Variants in THOC1 observed in about 807,000 individuals in gnomAD.
THOC1 encodes THO complex 1.
THOC1 carries 29 observed loss-of-function variants against 97.3 expected under a neutral mutation model. The ratio of observed to expected loss-of-function variants is 0.30; its 90% confidence interval spans 0.22 to 0.41. The LOEUF (loss-of-function observed/expected upper bound fraction) is 0.41, where lower values mean the gene tolerates loss of function less well. Ranked by LOEUF, THOC1 falls within the 10% of genes least tolerant of loss-of-function variation. THOC1 has a pLI of 1.00. For synonymous variants in THOC1, 255 were observed against 257.0 expected (o/e 0.99, Z 0.07); for missense variants, 529 against 761.9 (o/e 0.69, Z 3.60).
intron 5 of THOC1, 134 bp downstream of exon 5, chr18:260,052 T>A: frequency 1.7e-6 from 1 of 588,776 alleles, no homozygotes; most frequent in Non-Finnish European, 2.8e-6. Flanking sequence ...GAGAGCAGTA[T>A]ATAATTTTTT....
intron 11 of THOC1, among the ~76,000 whole-genome samples, chr18:236,471 TCAGCCTCCCGAGTAGCTGGGAACTA>T (rs371183214): frequency 0.042 from 4,553 of 108,746 alleles, 219 homozygotes; most frequent in African/African-American, 0.13. Flanking sequence ...TTCTCCTGCC[TCAGCCTCCCGAGTAGCTGGGAACTA>T]CAGGCGCCCG....
intron 11 of THOC1, among the ~76,000 whole-genome samples, chr18:231,349 T>C (rs1911480057): frequency 6.6e-6 from 1 of 152,228 alleles, no homozygotes. Context: ...CATCCTTACA[T>C]GCCTCTCTGT....
intron 1 of THOC1, among the ~76,000 whole-genome samples, chr18:265,916 T>C (rs993206323): frequency 1.3e-5 from 2 of 152,210 alleles, no homozygotes; most frequent in African/African-American, 4.8e-5. Context: ...CCAAACTTAA[T>C]TCCCAATACT....
intron 7 of THOC1, among the ~76,000 whole-genome samples, chr18:257,545 C>T (rs1912474779): frequency 6.6e-6 from 1 of 151,942 alleles, no homozygotes; most frequent in Non-Finnish European, 1.5e-5. Flanking sequence ...TTAGTATACA[C>T]ATATGTCTCT....
In THOC1 at chr18:266,725, C is replaced by T. The variant is rs189461517; in HGVS notation, c.55-1195G>A. ...CTAATTTTCGTATTTTTAGTAGAGA[C>T]GGGGCTTTGCCATGTTGGCCAGGCT... On this transcript the variant is annotated intron_variant, in intron 1 of 20. Transcript: ENST00000261600. 2.0e-3 allele frequency among the ~76,000 whole-genome samples: 308 copies of T among 152,162 alleles called. 1 individual carries two copies. Among genetic ancestry groups the T allele is most frequent in the African/African-American group, 7.3e-3 (302 of 41,528 alleles).
chr18:226,504 G>A (rs1911292757), intron 12 of THOC1: 1 of 271,726 alleles, frequency 3.7e-6, no homozygotes, highest in Non-Finnish European at 7.0e-6. Context: ...GGAGGTCTGA[G>A]GGAGGTGAGA....
At chr18:244,484 TTGAA>T (rs1598300297) in intron 11 of THOC1, 1 of 152,184 alleles carries the variant, frequency 6.6e-6, no homozygotes, top group East Asian at 1.9e-4. Flanking sequence ...AAATTCTAGA[TTGAA>T]TGTCATTTTT....
Position 214,612 on chromosome 18 carries a change from A to T in THOC1, c.*14T>A. 7.0e-7 allele frequency: 1 copy of T among 1,432,144 alleles called. No homozygotes were observed. The highest frequency in any genetic ancestry group is 9.5e-7 in the Non-Finnish European group (1 of 1,054,304). 88.7% of individuals were successfully genotyped at this position (1,432,144 alleles called of 1,614,324 possible). A position where few individuals can be genotyped will look rare whatever the true frequency, so the allele number is the denominator to read the frequency against. ...AATCTATCACAGTTTTAATAAAAAG[A>T]AAAAAAAAAGAAGCTAACTATTTGT... is the stretch of plus-strand genomic sequence containing the variant. On this transcript the variant is annotated 3_prime_UTR_variant, in exon 21 of 21. Coordinates refer to ENST00000261600, the MANE Select transcript of THOC1 (RefSeq NM_005131.3).
At chr18:259,629 T>C (rs1014887381) in intron 6 of THOC1, 53 bp downstream of exon 6, 1 of 1,329,292 alleles carries the variant, frequency 7.5e-7, no homozygotes. Flanking sequence ...CCATGTGTTT[T>C]TCTGGGCATA....
At chr18:256,803 A>G (rs1598305266) in intron 7 of THOC1, among the ~76,000 whole-genome samples, 1 of 152,248 alleles carries the variant, frequency 6.6e-6, no homozygotes, top group Non-Finnish European at 1.5e-5. Context: ...ACCAAACAGC[A>G]TCATGTGCTA....
chr18:227,028 T>A lies in THOC1; in HGVS notation c.919-127A>T, dbSNP rs536543905. 9.5e-6 allele frequency: 7 copies of A among 735,662 alleles called. No homozygotes were observed. The African/African-American group carries it at 1.1e-4, about 11-fold the overall frequency. 45.6% of individuals were successfully genotyped at this position (735,662 alleles called of 1,614,324 possible). Reference sequence around the variant, plus strand: ...CAATTTAAAAGCCATTTGTTGAGAGTTCACTGCATGTGAGGCATTACCGCA... The same window carrying A: ...CAATTTAAAAGCCATTTGTTGAGAGATCACTGCATGTGAGGCATTACCGCA... On this transcript the variant is annotated intron_variant, in intron 11 of 20. Coordinates refer to ENST00000261600, the MANE Select transcript of THOC1 (RefSeq NM_005131.3).
chr18:247,974 T>C lies in THOC1; in HGVS notation c.678-17A>G, dbSNP rs761271664. ...GGAATAGAGCTAATAAAATAAACGT[T>C]ATATTAAATAAATCATTCAAATTCT... On this transcript the variant is annotated splice_polypyrimidine_tract_variant and intron_variant, in intron 9 of 20. Transcript: ENST00000261600. 4 of 1,357,260 alleles carry C rather than the reference T, an allele frequency of 2.9e-6. No homozygotes were observed. The African/African-American group carries it at 6.0e-5, about 20-fold the overall frequency. The allele number at this position is 1,357,260 out of a possible 1,614,324, so 84.1% of individuals were successfully genotyped here.
At chr18:266,126 T>C (rs1912759255) in intron 1 of THOC1, among the ~76,000 whole-genome samples, 1 of 152,228 alleles carries the variant, frequency 6.6e-6, no homozygotes, top group African/African-American at 2.4e-5. Flanking sequence ...AAAACCATGC[T>C]GACAATCTGT....
chr18:236,463 C>T (rs1367378170), intron 11 of THOC1, among the ~76,000 whole-genome samples: 17 of 142,028 alleles, frequency 1.2e-4, no homozygotes, highest in Middle Eastern at 3.6e-3. Context: ...TCACGCCATT[C>T]TCCTGCCTCA....
chr18:231,429 A>C (rs1911481575), intron 11 of THOC1, among the ~76,000 whole-genome samples: 1 of 152,198 alleles, frequency 6.6e-6, no homozygotes, highest in Admixed American at 6.5e-5. Flanking sequence ...ATTTCTATCA[A>C]TTTAACACAA....
At chr18:215,591 A>G in intron 19 of THOC1, 87 bp from the exon 20 acceptor site, 1 of 1,068,436 alleles carries the variant, frequency 9.4e-7, no homozygotes, top group Non-Finnish European at 1.4e-6. Flanking sequence ...GACGGTTGTG[A>G]GATTCCAAGT....
chr18:264,276 T>G (rs2143308972), intron 3 of THOC1, among the ~76,000 whole-genome samples, 184 bp from the exon 4 acceptor site: 1 of 152,308 alleles, frequency 6.6e-6, no homozygotes, highest in East Asian at 1.9e-4. Context: ...ATAGAATCAA[T>G]AGTCGTAGAA....
intron 12 of THOC1, chr18:225,723 GAT>G: frequency 3.9e-6 from 1 of 253,490 alleles, no homozygotes; most frequent in Middle Eastern, 1.3e-3. Context: ...TTGATATTAA[GAT>G]ATGTGTATAC....
rs1414311034 is a variant in THOC1 at position 225,100 on chromosome 18, T to C, written c.1126A>G (p.Lys376Glu). Residue 376 changes from lysine (K) to glutamate (E), a missense_variant, in exon 14 of 21, where the codon AAG (lysine) becomes GAG (glutamate). Around this residue, in one of 8 missense-constraint regions of THOC1, gnomAD observed 123 missense variants for 159.0 expected, o/e 0.77. Transcript: ENST00000261600. ...TAAAAAACACATACCTCTACCATCT[T>C]TGAAAATCTTTCTCCATCGGGGGGG... ...ENPPDGERFS[K>E]MVEHILNTEE... The C allele has an allele frequency of 9.5e-6, 15 of 1,575,992 alleles. No homozygotes were observed. Among genetic ancestry groups the C allele is most frequent in the Middle Eastern group, 1.7e-4 (1 of 6,022 alleles).
Sources: gnomAD v4.1 joint callset for allele counts (sites outside exome capture counted in the v4.1 genomes callset) on GRCh38, gnomAD v4.1.1 for gene constraint, gnomAD v4.1.1 regional missense constraint, MANE v1.5 for transcripts, NCBI Gene and HGNC (gene_info 2026-07-23, HGNC 2026-07-21) for gene names.